TMEFF1: variants seen among roughly 807,000 people sequenced by gnomAD.
TMEFF1 encodes transmembrane protein with EGF like and two follistatin like domains 1.
Under a neutral mutation model 47.5 loss-of-function variants are expected in TMEFF1, and 20 were observed. The ratio of observed to expected loss-of-function variants is 0.42; its 90% CI spans 0.30 to 0.61. The LOEUF (loss-of-function observed/expected upper bound fraction) is 0.61, where lower values mean the gene tolerates loss of function less well. Among genes scored for constraint, TMEFF1 ranks in the 20% least tolerant of loss-of-function variants. The pLI is 0.19. For synonymous variants in TMEFF1, 162 were observed against 166.3 expected, an observed-to-expected ratio of 0.97 and a Z score of 0.20; for missense variants, 411 against 471.1, an observed-to-expected ratio of 0.87 and a Z score of 1.18.
chr9:100,564,925 C>T (rs1006088725), intron 8 of TMEFF1, among the ~76,000 whole-genome samples: 3 of 152,154 alleles, frequency 2.0e-5, no homozygotes, highest in Non-Finnish European at 2.9e-5. Context: ...GATATGAGCA[C>T]GAGAACCTGG....
intron 9 of TMEFF1, among the ~76,000 whole-genome samples, chr9:100,573,273 C>T (rs1348336561): frequency 1.3e-5 from 2 of 152,140 alleles, no homozygotes; most frequent in African/African-American, 2.4e-5. Flanking sequence ...AAATCAGAGG[C>T]TGAAGATAGT....
rs553836545 is a variant in TMEFF1 at position 100,546,436 on chromosome 9, C to G, written c.561-1308C>G. On this transcript the variant is annotated intron_variant, in intron 5 of 9. Coordinates refer to ENST00000374879, the MANE Select transcript of TMEFF1 (RefSeq NM_003692.5). ...CCTTCCCCCATAATTCAATCCCCCC[C>G]CCACCAGGTTCCTCCCACAACACAC... Among the ~76,000 whole-genome samples the G allele has an allele frequency of 2.1e-3, 322 of 151,690 alleles. 4 individuals are homozygous for G. The highest frequency in any genetic ancestry group is 2.1e-3 in the Non-Finnish European group (142 of 67,908).
At chr9:100,505,291 A>G (rs2118344453) in intron 2 of TMEFF1, among the ~76,000 whole-genome samples, 1 of 151,866 alleles carries the variant, frequency 6.6e-6, no homozygotes, top group Middle Eastern at 3.4e-3. Flanking sequence ...GTGTGCCTGT[A>G]ATCCCAGCTA....
chr9:100,505,791 A>G (rs1837849538), intron 2 of TMEFF1, among the ~76,000 whole-genome samples: 1 of 152,248 alleles, frequency 6.6e-6, no homozygotes, highest in South Asian at 2.1e-4. Flanking sequence ...TGAACACAAC[A>G]CTACGTTAGA....
intron 2 of TMEFF1, among the ~76,000 whole-genome samples, chr9:100,504,506 A>G (rs931440523): frequency 2.6e-5 from 4 of 152,168 alleles, no homozygotes; most frequent in African/African-American, 7.2e-5. Flanking sequence ...ATTAGTGACT[A>G]TTGGCAAATA....
At chr9:100,525,821 G>C (rs933228938) in intron 5 of TMEFF1, among the ~76,000 whole-genome samples, 2 of 152,158 alleles carry the variant, frequency 1.3e-5, no homozygotes, top group Non-Finnish European at 1.5e-5. Flanking sequence ...CTCAAGATAT[G>C]TCAAGGGAAC....
intron 9 of TMEFF1, 109 bp downstream of exon 9, chr9:100,572,785 C>T: frequency 7.4e-7 from 1 of 1,354,522 alleles, no homozygotes; most frequent in Non-Finnish European, 9.7e-7. Flanking sequence ...TGATCAGTTC[C>T]CTGAGGTTTT....
chr9:100,536,416 G>A (rs1190858590), intron 5 of TMEFF1, among the ~76,000 whole-genome samples: 6 of 152,080 alleles, frequency 3.9e-5, no homozygotes. Context: ...CAAAAAAAAC[G>A]AAGAGAAATA....
chr9:100,570,851 A>G (rs1189677494), intron 8 of TMEFF1, among the ~76,000 whole-genome samples: 3 of 152,140 alleles, frequency 2.0e-5, no homozygotes, highest in Non-Finnish European at 4.4e-5. Flanking sequence ...GTTGTGGGAC[A>G]TTCATAAATA....
At chr9:100,532,942 C>T (rs1288058771) in intron 5 of TMEFF1, among the ~76,000 whole-genome samples, 6 of 151,918 alleles carry the variant, frequency 3.9e-5, no homozygotes, top group African/African-American at 1.5e-4. Flanking sequence ...TTTGTAGGGA[C>T]ATGGATGAAA....
chr9:100,545,883 A>G (rs564677080), intron 5 of TMEFF1, among the ~76,000 whole-genome samples: 21 of 152,324 alleles, frequency 1.4e-4, no homozygotes, highest in African/African-American at 4.6e-4. Flanking sequence ...TTGCTAAAAC[A>G]TAACAAGAGT....
At chr9:100,483,779 T>C (rs1837388908) in intron 1 of TMEFF1, among the ~76,000 whole-genome samples, 1 of 146,802 alleles carries the variant, frequency 6.8e-6, no homozygotes, top group Non-Finnish European at 1.5e-5. Context: ...CTCTATCGTC[T>C]GTCTGTCTGT....
At chr9:100,512,769 A>C (rs1369282071) in intron 3 of TMEFF1, among the ~76,000 whole-genome samples, 1 of 152,172 alleles carries the variant, frequency 6.6e-6, no homozygotes, top group African/African-American at 2.4e-5. Context: ...TAATTTTATT[A>C]GTAACATGAA....
At chr9:100,540,625 C>G (rs886847274) in intron 5 of TMEFF1, among the ~76,000 whole-genome samples, 1 of 152,212 alleles carries the variant, frequency 6.6e-6, no homozygotes, top group Non-Finnish European at 1.5e-5. Flanking sequence ...GAGCGGATGT[C>G]GAGGCCAAGG....
chr9:100,543,031 C>T (rs940644620), intron 5 of TMEFF1, among the ~76,000 whole-genome samples: 27 of 151,032 alleles, frequency 1.8e-4, no homozygotes, highest in Middle Eastern at 3.4e-3. Flanking sequence ...TGGCTTCAAG[C>T]GATTCTCCTG....
chr9:100,548,225 T>A (rs1175918203), intron 6 of TMEFF1, among the ~76,000 whole-genome samples: 1 of 152,158 alleles, frequency 6.6e-6, no homozygotes, highest in Non-Finnish European at 1.5e-5. Flanking sequence ...ATAACTTATT[T>A]TAATTTCAGT....
At chr9:100,500,845 T>C (rs1245708160) in intron 2 of TMEFF1, among the ~76,000 whole-genome samples, 1 of 152,216 alleles carries the variant, frequency 6.6e-6, no homozygotes, top group Non-Finnish European at 1.5e-5. Flanking sequence ...TTGAAGATTA[T>C]TGTTATTTTT....
intron 7 of TMEFF1, among the ~76,000 whole-genome samples, chr9:100,551,778 T>C (rs1838831013): frequency 6.6e-6 from 1 of 152,246 alleles, no homozygotes; most frequent in Non-Finnish European, 1.5e-5. Context: ...TTTAAAGTTC[T>C]TGTGATGTAG....
chr9:100,483,556 A>G (rs1837383762), intron 1 of TMEFF1, among the ~76,000 whole-genome samples: 1 of 152,188 alleles, frequency 6.6e-6, no homozygotes, highest in Admixed American at 6.5e-5. Context: ...TCTAGTATGA[A>G]AACAAATTTT....
Sources: allele counts gnomAD v4.1 joint callset (sites outside exome capture counted in the v4.1 genomes callset), GRCh38; gene constraint gnomAD v4.1.1; transcripts MANE v1.5; gene names NCBI Gene and HGNC (gene_info 2026-07-23, HGNC 2026-07-21).